Variants in ARMCX4 observed in about 807,000 individuals in gnomAD.
ARMCX4 encodes armadillo repeat-containing X-linked protein 4.
ARMCX4 carries 3 observed loss-of-function variants against 34.7 expected under a neutral mutation model. That is an observed-to-expected ratio of 0.09 (90% confidence interval 0.04 to 0.22). ARMCX4 has a LOEUF of 0.22. ARMCX4 is among the 10% of genes least tolerant of loss of function. ARMCX4 has a pLI of 1.00. For synonymous variants in ARMCX4, 513 were observed against 632.8 expected (o/e 0.81, Z 2.84); for missense variants, 1,448 against 1,720.8 (o/e 0.84, Z 2.81).
chrX:101,471,410 CA>C (rs1450859725), intron 4 of ARMCX4, among the ~76,000 whole-genome samples: 1 of 112,164 alleles, frequency 8.9e-6, no homozygotes, highest in East Asian at 2.8e-4. Context: ...AGCTATTCCC[CA>C]ATTTTTTATG....
intron 11 of ARMCX4, chrX:101,524,128 C>A (rs1934913426): frequency 9.0e-6 from 1 of 111,314 alleles, no homozygotes; most frequent in Non-Finnish European, 1.9e-5. Flanking sequence ...GAAGGGGTGG[C>A]AGCTCCTGGT....
Position 101,491,503 on chromosome X carries a change from T to C in ARMCX4, c.2914T>C (p.Ser972Pro). The change falls in exon 6 of 6, where the codon TCC becomes CCC. Residue 972 changes from serine (S) to proline (P), a missense_variant. Transcript: ENST00000423738. ...PGAKNKVRGN[S>P]NAVPKAEAGA... is the part of the protein sequence containing the mutation. ...GGCCAAAAATAAGGTCAGGGGCAATTCCAATGCTGTGCCTAAGGCAGAGGC... is the reference window on the plus strand; with the variant it reads ...GGCCAAAAATAAGGTCAGGGGCAATCCCAATGCTGTGCCTAAGGCAGAGGC... 8.7e-7 allele frequency: 1 copy of C among 1,155,291 alleles called. No homozygotes were observed. The highest frequency in any genetic ancestry group is 1.1e-6 in the Non-Finnish European group (1 of 872,694).
At chrX:101,421,356 T>C (rs1929243495) in intron 2 of ARMCX4, among the ~76,000 whole-genome samples, 1 of 110,815 alleles carries the variant, frequency 9.0e-6, no homozygotes, top group African/African-American at 3.3e-5. Context: ...TGTACTACAA[T>C]AGCCATGGTT....
downstream of ARMCX4, among the ~76,000 whole-genome samples, chrX:101,449,227 T>C (rs1931838428): frequency 1.8e-5 from 2 of 112,325 alleles, no homozygotes; most frequent in Non-Finnish European, 3.8e-5. Context: ...TATAACTTTC[T>C]TGTACTTTGA....
At position 101,492,819 on chromosome X, in the gene ARMCX4, T is replaced by C. The variant is rs781841276; in HGVS notation, c.4230T>C (p.Gly1410=). Residue 1410 remains glycine, a synonymous_variant, in exon 6 of 6, where the codon GGT becomes GGC. Transcript: ENST00000423738. Reference sequence around the variant, plus strand: ...GGGCTGGGGCTGGTGGCCAGGCTGGTGGAGGGTCCAAGGTGGGGCCTGAAG... The same window carrying C: ...GGGCTGGGGCTGGTGGCCAGGCTGGCGGAGGGTCCAAGGTGGGGCCTGAAG... ...GSWAGAGGQA[G]GGSKVGPEDQ... The C allele has an allele frequency of 1.7e-5, 20 of 1,153,448 alleles. No individual in the cohort carries two copies. The highest frequency in any genetic ancestry group is 2.2e-5 in the Non-Finnish European group (19 of 872,222).
rs917579299 is a variant in ARMCX4 at position 101,488,073 on chromosome X, G to A, written c.-173G>A. 52 of 935,992 alleles carry A rather than the reference G, an allele frequency of 5.6e-5. No homozygotes were observed. The Admixed American group carries it at 1.6e-3, about 29-fold the overall frequency. 77.1% of individuals were successfully genotyped at this position (935,992 alleles called of 1,213,427 possible). A position where few individuals can be genotyped will look rare whatever the true frequency, so the allele number is the denominator to read the frequency against. The stretch of plus-strand genomic sequence containing the variant: ...TACTGCCAAGAGAAGCAAGAGGAGA[G>A]GAGGGAACTGCCTCGGATCATTACA... On this transcript the variant is annotated 5_prime_UTR_variant, in exon 5 of 6. Transcript: ENST00000423738.
chrX:101,509,479 A>G (rs1288769653), intron 9 of ARMCX4: 3 of 111,988 alleles, frequency 2.7e-5, no homozygotes, highest in Non-Finnish European at 5.6e-5. Context: ...ATGTAAGCAA[A>G]CAGCATACAG....
At chrX:101,503,428 T>C (rs1297251663) in intron 7 of ARMCX4, among the ~76,000 whole-genome samples, 11 of 111,430 alleles carry the variant, frequency 9.9e-5, no homozygotes, top group South Asian at 3.8e-4. Flanking sequence ...CCTATTTCTC[T>C]ACATCCTCTC....
chrX:101,421,195 C>G (rs1338391481), intron 2 of ARMCX4, among the ~76,000 whole-genome samples: 2 of 82,743 alleles, frequency 2.4e-5, no homozygotes, highest in African/African-American at 1.1e-4. Context: ...AAGAGCAAAA[C>G]TCTGTCTCAA....
intron 2 of ARMCX4, among the ~76,000 whole-genome samples, chrX:101,425,098 G>A (rs1929524213): frequency 8.9e-6 from 1 of 112,015 alleles, no homozygotes; most frequent in Middle Eastern, 4.2e-3. Flanking sequence ...TGGAGTACAG[G>A]AGAGTCAGCC....
rs782385528 is a variant in ARMCX4, at chrX:101,488,807, T to C, written c.218T>C (p.Ile73Thr). 6.5e-4 allele frequency: 745 copies of C among 1,154,204 alleles called. 1 individual carries two copies. The highest frequency in any genetic ancestry group is 8.4e-4 in the Non-Finnish European group (729 of 872,725). ...ATTAAGACTAAACCCCAAGTCGAGA[T>C]TGGAGCAGAAACTGGAGCAAGAAGT... ...AEIKTKPQVE[I>T]GAETGARSGP... The change falls in exon 6 of 6, where the codon ATT becomes ACT. Residue 73 changes from isoleucine (I) to threonine (T), a missense_variant. Ile to Thr is a moderately conservative substitution (Grantham distance 89, BLOSUM62 -1). This residue lies in a region of ARMCX4 where 1,343 missense variants were observed against 1,540.7 expected (regional missense o/e 0.87). Transcript: ENST00000423738.
chrX:101,467,126 A>T (rs1556002128), intron 4 of ARMCX4, among the ~76,000 whole-genome samples: 1 of 112,138 alleles, frequency 8.9e-6, no homozygotes, highest in Non-Finnish European at 1.9e-5. Flanking sequence ...GAACATAATT[A>T]AAAAATACAC....
chrX:101,507,239 C>T lies in ARMCX4; in HGVS notation c.*1596+1884C>T, dbSNP rs1200725079. Among the ~76,000 whole-genome samples, 4 of 111,314 alleles carry T rather than the reference C, an allele frequency of 3.6e-5. No individual in the cohort carries two copies. The Admixed American group carries it at 3.8e-4, about 11-fold the overall frequency. ...GTGCATGGACTCTGCCACTAGACAG[C>T]CTGGCTTCAAATCCTGAATTTGTCA... On this transcript the variant is annotated intron_variant and NMD_transcript_variant, in intron 8 of 12. Transcript: ENST00000354842.
rs906735352 is a variant in ARMCX4 at position 101,494,328 on chromosome X, G to A, written c.5739G>A (p.Thr1913=). ...GGGCTGAGAGTGAGAACAGTAATAC[G>A]TTCAGATCTAAGAGTGGGAAAGATG... ...LFWAESENSN[T]FRSKSGKDAS... The change falls in exon 6 of 6, where the codon ACG becomes ACA. Residue 1913 remains threonine, a synonymous_variant. Transcript: ENST00000423738. 1.8e-5 allele frequency: 21 copies of A among 1,152,874 alleles called. No individual in the cohort carries two copies. The Middle Eastern group carries it at 7.0e-4, about 38-fold the overall frequency.
In ARMCX4 at chrX:101,519,858, A is replaced by T. The variant is rs782764403; in HGVS notation, c.*1780+8803A>T. On this transcript the variant is annotated intron_variant and NMD_transcript_variant, in intron 11 of 12. Coordinates refer to the ARMCX4 transcript ENST00000354842. ...TTATCTTTTTTTTTTGATAATAGACATTCTAACAGGTGTGAGGTGATATCT... is the reference window on the plus strand; with the variant it reads ...TTATCTTTTTTTTTTGATAATAGACTTTCTAACAGGTGTGAGGTGATATCT... Among the ~76,000 whole-genome samples, 3 of 110,820 alleles carry T rather than the reference A, an allele frequency of 2.7e-5. No individual in the cohort carries two copies. In the South Asian group the frequency reaches 1.1e-3, roughly 42 times the overall value.
chrX:101,453,446 C>T (rs1932099513), intron 4 of ARMCX4, among the ~76,000 whole-genome samples: 2 of 111,721 alleles, frequency 1.8e-5, no homozygotes, highest in Non-Finnish European at 3.8e-5. Context: ...GGCTCTTATC[C>T]AATAGGTCCC....
At chrX:101,533,549 G>A (rs782326937), downstream of ARMCX4, 1 of 111,655 alleles carries the variant, frequency 9.0e-6, no homozygotes, top group African/African-American at 3.2e-5. Context: ...CCATTAGAAT[G>A]CACAGTCAAG....
intron 2 of ARMCX4, among the ~76,000 whole-genome samples, chrX:101,438,400 T>A (rs1555995683): frequency 2.7e-5 from 3 of 111,304 alleles, no homozygotes; most frequent in African/African-American, 9.8e-5. Flanking sequence ...CAATCTCTAC[T>A]AAAAAATAAA....
chrX:101,489,428 C>T lies in ARMCX4; in HGVS notation c.839C>T (p.Ala280Val). ...EVAGVDMKSC[A>V]QSQAVTKIQG... is the part of the protein sequence containing the mutation. ...GCTGGAGTGGACATGAAGTCCTGTGCACAGTCTCAGGCTGTGACCAAGATC... is the reference window on the plus strand; with the variant it reads ...GCTGGAGTGGACATGAAGTCCTGTGTACAGTCTCAGGCTGTGACCAAGATC... The change falls in exon 6 of 6, where the codon GCA becomes GTA. Residue 280 changes from alanine to valine, a missense_variant. By Grantham distance (64) the Ala-to-Val change is moderately conservative. Coordinates refer to ENST00000423738, the MANE Select transcript of ARMCX4 (RefSeq NM_001256155.3). 1 of 1,155,360 alleles carries T rather than the reference C, an allele frequency of 8.7e-7. No homozygotes were observed. Among genetic ancestry groups the T allele is most frequent in the Non-Finnish European group, 1.1e-6 (1 of 872,619 alleles).
Sources: gnomAD v4.1 joint callset for allele counts (sites outside exome capture counted in the v4.1 genomes callset) on GRCh38, gnomAD v4.1.1 for gene constraint, gnomAD v4.1.1 regional missense constraint, MANE v1.5 for transcripts, NCBI Gene and HGNC (gene_info 2026-07-23, HGNC 2026-07-21) for gene names.